MORN5: variants seen among roughly 807,000 people sequenced by gnomAD.
MORN5 encodes MORN repeat containing 5.
In MORN5, 21 loss-of-function variants were observed where a neutral mutation model predicts 22.1. The observed-to-expected ratio is 0.95, with a 90% CI of 0.67 to 1.37. The LOEUF is 1.37. Ranked by LOEUF, MORN5 falls within the 40% of genes most tolerant of loss-of-function variation. The pLI is 0.00. For missense variants in MORN5, 211 were observed against 215.1 expected, an observed-to-expected ratio of 0.98 and a Z score of 0.12; for synonymous variants, 73 against 74.0, an observed-to-expected ratio of 0.99 and a Z score of 0.07.
At chr9:122,173,104 G>A (rs867468524) in intron 3 of MORN5, among the ~76,000 whole-genome samples, 29 of 152,196 alleles carry the variant, frequency 1.9e-4, no homozygotes, top group Middle Eastern at 6.3e-3. Flanking sequence ...CTAAAGCTAA[G>A]CCTCTGCCAG....
chr9:122,168,221 C>A (rs1403887482), intron 2 of MORN5, among the ~76,000 whole-genome samples: 1 of 152,186 alleles, frequency 6.6e-6, no homozygotes, highest in Non-Finnish European at 1.5e-5. Flanking sequence ...GCTAAGTTCC[C>A]AGCACACAAG....
intron 4 of MORN5, among the ~76,000 whole-genome samples, chr9:122,182,020 A>G (rs1329187686): frequency 6.6e-6 from 1 of 152,174 alleles, no homozygotes; most frequent in Non-Finnish European, 1.5e-5. Flanking sequence ...GTGCCTGGAT[A>G]TGCTGTCTTT....
In MORN5 at chr9:122,160,124, C is replaced by T. The variant is rs78256953; in HGVS notation, c.47+105C>T. 1,998 of 1,018,688 alleles carry T rather than the reference C, an allele frequency of 2.0e-3. 25 individuals carry two copies. The African/African-American group carries it at 0.03, about 15-fold the overall frequency. 63.1% of individuals were successfully genotyped at this position (1,018,688 alleles called of 1,614,324 possible). On this transcript the variant is annotated intron_variant, in intron 1 of 4. Coordinates refer to ENST00000373764, the MANE Select transcript of MORN5 (RefSeq NM_198469.4). ...ACCTTGTGCCAGGCACTTTCACAAA[C>T]TTGCCCGAGTAATTTTTTCAAGGAC...
At chr9:122,170,541 G>A (rs936999598) in intron 3 of MORN5, among the ~76,000 whole-genome samples, 1 of 152,160 alleles carries the variant, frequency 6.6e-6, no homozygotes, top group East Asian at 1.9e-4. Context: ...TGTATCAGGT[G>A]CTGGGGGAGG....
In MORN5 at chr9:122,197,113, C is replaced by T. The variant is rs1005485523; in HGVS notation, c.440-2772C>T. On this transcript the variant is annotated intron_variant, in intron 4 of 4. Coordinates refer to ENST00000373764, the MANE Select transcript of MORN5 (RefSeq NM_198469.4). The surrounding 1 kb of genome is among the most constrained non-coding windows in gnomAD (Gnocchi z 5.7). ...AGATTATCCCTTTAAGAATAGTGTC[C>T]CAGAGTGGAATTACCGGGCCAACAG... is the stretch of plus-strand genomic sequence containing the variant. Among the ~76,000 whole-genome samples the T allele has an allele frequency of 5.9e-5, 9 of 151,894 alleles. No homozygotes were observed. The highest frequency in any genetic ancestry group is 2.2e-4 in the African/African-American group (9 of 41,300).
chr9:122,193,034 G>A (rs180903710), intron 4 of MORN5, among the ~76,000 whole-genome samples: 223 of 152,264 alleles, frequency 1.5e-3, no homozygotes, highest in African/African-American at 5.2e-3. Flanking sequence ...TGACTACAAC[G>A]AACACTGTGA....
intron 1 of MORN5, among the ~76,000 whole-genome samples, chr9:122,160,240 A>C (rs1829171190): frequency 6.6e-6 from 1 of 152,236 alleles, no homozygotes; most frequent in African/African-American, 2.4e-5. Context: ...GCTATCTGCC[A>C]GTTTTAAACA....
chr9:122,175,181 G>C (rs1031530480), intron 4 of MORN5, among the ~76,000 whole-genome samples: 4 of 152,162 alleles, frequency 2.6e-5, no homozygotes, highest in African/African-American at 7.2e-5. Flanking sequence ...AGTCAGAGAA[G>C]GTTTCAAGGA....
rs190537823 is a variant in MORN5 at position 122,197,147 on chromosome 9, A to C, written c.440-2738A>C. Among the ~76,000 whole-genome samples, 39 of 152,270 alleles carry C rather than the reference A, an allele frequency of 2.6e-4. No individual in the cohort carries two copies. Among genetic ancestry groups the C allele is most frequent in the African/African-American group, 8.2e-4 (34 of 41,562 alleles). Reference sequence around the variant, plus strand: ...AATTACCGGGCCAACAGGGACCAAAAATTTTTAAGATAAATGCACCAAACC... The same window carrying C: ...AATTACCGGGCCAACAGGGACCAAACATTTTTAAGATAAATGCACCAAACC... On this transcript the variant is annotated intron_variant, in intron 4 of 4. Coordinates refer to ENST00000373764, the MANE Select transcript of MORN5 (RefSeq NM_198469.4). The surrounding 1 kb of genome is among the most constrained non-coding windows in gnomAD (Gnocchi z 5.7).
At chr9:122,174,756 T>C in intron 4 of MORN5, 129 bp downstream of exon 4, 1 of 1,581,928 alleles carries the variant, frequency 6.3e-7, no homozygotes, top group East Asian at 2.3e-5. Context: ...GAAAGTTGAT[T>C]ACCTGGATGT....
intron 4 of MORN5, among the ~76,000 whole-genome samples, chr9:122,178,016 T>C (rs183799789): frequency 3.9e-4 from 60 of 152,206 alleles, no homozygotes; most frequent in African/African-American, 1.3e-3. Flanking sequence ...AATCCTTCTA[T>C]AAAATAACAA....
At chr9:122,160,316 T>C (rs1438668927) in intron 1 of MORN5, among the ~76,000 whole-genome samples, 1 of 152,224 alleles carries the variant, frequency 6.6e-6, no homozygotes, top group African/African-American at 2.4e-5. Flanking sequence ...CAGTTGGAGA[T>C]GTATTGCCAA....
Position 122,199,924 on chromosome 9 carries a change from A to C in MORN5, c.479A>C (p.Lys160Thr), listed in dbSNP as rs759632597. ...GAGTGGATCACCCGTACCTGTCGAA[A>C]GGGCTAGGATGAGATCGTGGGTCAC... ...EHEWITRTCR[K>T]G The change falls in exon 5 of 5, where the codon AAG becomes ACG. Residue 160 changes from lysine (K) to threonine (T), a missense_variant. By Grantham distance (78) the Lys-to-Thr change is moderately conservative (BLOSUM62 -1). Transcript: ENST00000373764. The C allele has an allele frequency of 1.9e-6, 3 of 1,613,868 alleles. No individual in the cohort carries two copies. The South Asian group carries it at 3.3e-5, about 18-fold the overall frequency.
chr9:122,184,217 G>T (rs558126989), intron 4 of MORN5, among the ~76,000 whole-genome samples: 2 of 152,132 alleles, frequency 1.3e-5, no homozygotes, highest in African/African-American at 2.4e-5. Flanking sequence ...GCAGGAGCCC[G>T]AATTCACACT....
intron 4 of MORN5, among the ~76,000 whole-genome samples, chr9:122,188,538 C>A (rs574853289): frequency 1.3e-5 from 2 of 152,238 alleles, no homozygotes; most frequent in Non-Finnish European, 2.9e-5. Context: ...TTCGGTCCAT[C>A]GTCCACTTGC....
At chr9:122,164,079 A>T (rs1829242096) in intron 1 of MORN5, among the ~76,000 whole-genome samples, 1 of 152,226 alleles carries the variant, frequency 6.6e-6, no homozygotes, top group South Asian at 2.1e-4. Context: ...TCTGGTAATC[A>T]TATCCTTATT....
intron 4 of MORN5, among the ~76,000 whole-genome samples, chr9:122,181,051 T>C (rs1319932243): frequency 6.6e-6 from 1 of 152,246 alleles, no homozygotes; most frequent in Non-Finnish European, 1.5e-5. Context: ...CAACTTATGA[T>C]TTTGAATAAT....
intron 4 of MORN5, among the ~76,000 whole-genome samples, chr9:122,184,676 ATATTT>A (rs1829586267): frequency 6.6e-6 from 1 of 152,204 alleles, no homozygotes; most frequent in East Asian, 1.9e-4. Context: ...CCCTTTACAT[ATATTT>A]TATTTTATTT....
chr9:122,180,028 G>A (rs1315098106), intron 4 of MORN5, among the ~76,000 whole-genome samples: 1 of 152,190 alleles, frequency 6.6e-6, no homozygotes, highest in Non-Finnish European at 1.5e-5. Context: ...AGCAGGTCAC[G>A]GGCTGGGCCA....
Sources: allele counts gnomAD v4.1 joint callset (sites outside exome capture counted in the v4.1 genomes callset), GRCh38; gene constraint gnomAD v4.1.1; non-coding constraint Gnocchi (gnomAD v3.1); transcripts MANE v1.5; gene names NCBI Gene and HGNC (gene_info 2026-07-23, HGNC 2026-07-21).